The following TSNARE1 variants were observed in gnomAD, a reference collection of about 807,000 sequenced individuals.
TSNARE1 encodes the protein t-SNARE domain-containing protein 1.
In TSNARE1, 49 loss-of-function variants were observed where a neutral mutation model predicts 62.0. The observed-to-expected ratio is 0.79, with a 90% CI of 0.63 to 1.00. The LOEUF (loss-of-function observed/expected upper bound fraction) is 1.00. Among genes scored for constraint, TSNARE1 ranks in the 50% least tolerant of loss-of-function variants. TSNARE1 has a pLI of 0.00. For missense variants in TSNARE1, 755 were observed against 700.1 expected, an observed-to-expected ratio of 1.08 and a Z score of -0.88; for synonymous variants, 328 against 294.4, an observed-to-expected ratio of 1.11 and a Z score of -1.17.
chr8:142,288,248 C>G (rs1259013720), intron 10 of TSNARE1, among the ~76,000 whole-genome samples: 1 of 152,236 alleles, frequency 6.6e-6, no homozygotes, highest in African/African-American at 2.4e-5. Context: ...CTGCGAGTCC[C>G]TGAGGCTCGG....
chr8:142,226,983 G>A (rs28543673), intron 13 of TSNARE1, among the ~76,000 whole-genome samples: 10,831 of 83,986 alleles, frequency 0.13, 901 homozygotes, highest in Non-Finnish European at 0.14. Context: ...GTGACAGCAA[G>A]GCCCCCCACT....
chr8:142,314,052 T>C (rs1007637921), intron 9 of TSNARE1, among the ~76,000 whole-genome samples: 1 of 152,224 alleles, frequency 6.6e-6, no homozygotes. Flanking sequence ...GTGCTGGGAC[T>C]CCAGGCGTGA....
upstream of TSNARE1, chr8:142,406,436 A>ACACACCTGGAACACACAGTGCCC (rs1838585288): frequency 6.6e-6 from 1 of 152,284 alleles, no homozygotes; most frequent in African/African-American, 2.4e-5. Context: ...TCATGGCCCC[A>ACACACCTGGAACACACAGTGCCC]CACACCTGGA....
chr8:142,282,962 C>G (rs918558824), intron 11 of TSNARE1, among the ~76,000 whole-genome samples: 1 of 147,072 alleles, frequency 6.8e-6, no homozygotes, highest in African/African-American at 2.5e-5. Flanking sequence ...AGAGGGGAGG[C>G]CACTGTCTGT....
intron 1 of TSNARE1, among the ~76,000 whole-genome samples, chr8:142,382,202 C>T (rs977674384): frequency 1.3e-5 from 2 of 152,268 alleles, no homozygotes; most frequent in Non-Finnish European, 2.9e-5. Context: ...AGCTGGGGAG[C>T]TGCAGTTACA....
chr8:142,281,619 G>A (rs1243065988), intron 11 of TSNARE1, among the ~76,000 whole-genome samples: 4 of 152,052 alleles, frequency 2.6e-5, no homozygotes, highest in Non-Finnish European at 5.9e-5. Flanking sequence ...CAGGGTTAGG[G>A]TCAGGGTTAA....
intron 1 of TSNARE1, chr8:142,402,882 C>T (rs1838402687): frequency 6.6e-6 from 1 of 152,150 alleles, no homozygotes; most frequent in Non-Finnish European, 1.5e-5. Flanking sequence ...GGCTGCGGCT[C>T]AGGGTCCCTG....
chr8:142,271,652 G>A, intron 12 of TSNARE1: 1 of 1,402,802 alleles, frequency 7.1e-7, no homozygotes, highest in Non-Finnish European at 9.2e-7. Context: ...GGACCTCAGG[G>A]GCAGCCACAA....
intron 9 of TSNARE1, among the ~76,000 whole-genome samples, chr8:142,311,538 C>T (rs935753701): frequency 6.6e-6 from 1 of 151,952 alleles, no homozygotes; most frequent in Non-Finnish European, 1.5e-5. Context: ...CTCAGGTGAT[C>T]CACCCACCTC....
chr8:142,286,219 G>A (rs1822720217), intron 10 of TSNARE1, among the ~76,000 whole-genome samples: 1 of 152,160 alleles, frequency 6.6e-6, no homozygotes, highest in Non-Finnish European at 1.5e-5. Flanking sequence ...CTGGGTTCCA[G>A]CCAAGTCCAG....
At chr8:142,274,685 C>G in intron 12 of TSNARE1, 96 bp downstream of exon 12, 1 of 1,383,070 alleles carries the variant, frequency 7.2e-7, no homozygotes. Context: ...AGGCACAGGG[C>G]AGGGCCTGGG....
intron 12 of TSNARE1, among the ~76,000 whole-genome samples, chr8:142,250,831 T>G (rs879826499): frequency 2.0e-4 from 31 of 152,314 alleles, no homozygotes; most frequent in Non-Finnish European, 3.4e-4. Flanking sequence ...GTAGTCCACG[T>G]GCAGACTGCC....
chr8:142,333,032 G>A (rs887589131), intron 4 of TSNARE1, among the ~76,000 whole-genome samples: 8 of 152,204 alleles, frequency 5.3e-5, no homozygotes, highest in South Asian at 2.1e-4. Context: ...AAACCAGAGC[G>A]AACGGGGCGA....
intron 2 of TSNARE1, among the ~76,000 whole-genome samples, chr8:142,350,756 G>A (rs148252807): frequency 6.6e-5 from 10 of 152,318 alleles, no homozygotes; most frequent in African/African-American, 2.4e-4. Context: ...AACATGGCTG[G>A]ACACAAACCA....
intron 3 of TSNARE1, among the ~76,000 whole-genome samples, chr8:142,345,174 A>G (rs1268859472): frequency 3.3e-5 from 5 of 152,220 alleles, no homozygotes; most frequent in Non-Finnish European, 7.3e-5. Context: ...CTTTTTCACT[A>G]ACCGGACCAG....
chr8:142,306,871 T>C (rs1050734900), intron 9 of TSNARE1, among the ~76,000 whole-genome samples: 1 of 152,184 alleles, frequency 6.6e-6, no homozygotes, highest in African/African-American at 2.4e-5. Flanking sequence ...GTGCAAAGGA[T>C]ATAGCTCTAT....
At chr8:142,323,609 C>T (rs1401707559) in intron 6 of TSNARE1, among the ~76,000 whole-genome samples, 1 of 152,248 alleles carries the variant, frequency 6.6e-6, no homozygotes, top group East Asian at 1.9e-4. Context: ...AGGCTGGACA[C>T]TGCTCCAAAG....
intron 12 of TSNARE1, among the ~76,000 whole-genome samples, chr8:142,261,702 G>C (rs528388039): frequency 6.6e-6 from 1 of 152,104 alleles, no homozygotes; most frequent in Non-Finnish European, 1.5e-5. Flanking sequence ...CTCCTTTAAC[G>C]ATTGCGTTTT....
chr8:142,249,243 G>T (rs1003107670), intron 12 of TSNARE1, among the ~76,000 whole-genome samples: 7 of 152,246 alleles, frequency 4.6e-5, no homozygotes, highest in African/African-American at 1.7e-4. Context: ...ATCCGGACGG[G>T]GTGAGGGCGG....
Sources: allele counts gnomAD v4.1 joint callset (sites outside exome capture counted in the v4.1 genomes callset), GRCh38; gene constraint gnomAD v4.1.1; transcripts MANE v1.5; gene names NCBI Gene and HGNC (gene_info 2026-07-23, HGNC 2026-07-21).